The following HTR1F variants were observed in gnomAD, a reference collection of about 807,000 sequenced individuals.
The protein encoded by HTR1F is 5-hydroxytryptamine receptor 1F.
Under a neutral mutation model 24.0 loss-of-function variants are expected in HTR1F, and 17 were observed. That is an observed-to-expected ratio of 0.71 (90% CI 0.48 to 1.06). The LOEUF (loss-of-function observed/expected upper bound fraction) is 1.06, where lower values mean the gene tolerates loss of function less well. Ranked by LOEUF, HTR1F falls within the 50% of genes least tolerant of loss-of-function variation. The pLI, the probability that HTR1F is intolerant of heterozygous loss-of-function variation, is 0.00. For missense variants in HTR1F, 391 were observed against 427.8 expected, an observed-to-expected ratio of 0.91 and a Z score of 0.76; for synonymous variants, 186 against 156.8, an observed-to-expected ratio of 1.19 and a Z score of -1.39.
chr3:87,961,284 C>A (rs1357903706), intron 2 of HTR1F, among the ~76,000 whole-genome samples: 2 of 151,944 alleles, frequency 1.3e-5, no homozygotes, highest in Non-Finnish European at 2.9e-5. Flanking sequence ...TAGTCAAAAG[C>A]AAGAAAATTA....
At chr3:87,934,154 T>C (rs1020276500) in intron 2 of HTR1F, among the ~76,000 whole-genome samples, 1 of 152,202 alleles carries the variant, frequency 6.6e-6, no homozygotes, top group African/African-American at 2.4e-5. Context: ...CCCTGTACAG[T>C]AACTGTTAAT....
At chr3:87,932,539 G>T (rs941252500) in intron 2 of HTR1F, among the ~76,000 whole-genome samples, 1 of 151,940 alleles carries the variant, frequency 6.6e-6, no homozygotes. Flanking sequence ...CTCTTTTTTG[G>T]TTCCATATGA....
intron 1 of HTR1F, among the ~76,000 whole-genome samples, chr3:87,811,443 A>C (rs1288509009): frequency 6.6e-6 from 1 of 152,208 alleles, no homozygotes; most frequent in Non-Finnish European, 1.5e-5. Flanking sequence ...AATAGTGGGA[A>C]GTCTTTGAAA....
chr3:87,852,029 C>T (rs1383851162), intron 2 of HTR1F, among the ~76,000 whole-genome samples: 2 of 148,928 alleles, frequency 1.3e-5, no homozygotes, highest in South Asian at 2.1e-4. Flanking sequence ...TTTTTCCAAA[C>T]ATCCCCACTA....
At chr3:87,837,730 A>G (rs1204478896) in intron 2 of HTR1F, among the ~76,000 whole-genome samples, 1 of 152,054 alleles carries the variant, frequency 6.6e-6, no homozygotes, top group Non-Finnish European at 1.5e-5. Context: ...CTAATTTTTC[A>G]CCTCATATTT....
At chr3:87,929,654 T>C (rs2107401181) in intron 2 of HTR1F, among the ~76,000 whole-genome samples, 1 of 152,254 alleles carries the variant, frequency 6.6e-6, no homozygotes, top group South Asian at 2.1e-4. Context: ...GTTCCATTGG[T>C]CTATGTGTCT....
At chr3:87,934,459 T>C (rs367629797) in intron 2 of HTR1F, among the ~76,000 whole-genome samples, 16 of 152,162 alleles carry the variant, frequency 1.1e-4, no homozygotes, top group African/African-American at 3.9e-4. Flanking sequence ...TGCTTGGGAG[T>C]TTTTATTCCC....
intron 2 of HTR1F, among the ~76,000 whole-genome samples, chr3:87,844,961 T>A (rs1322382079): frequency 6.6e-6 from 1 of 151,962 alleles, no homozygotes; most frequent in East Asian, 1.9e-4. Context: ...TGAAGTCAGG[T>A]AGTGTGATGC....
Position 87,991,681 on chromosome 3 carries a change from TAAAAGAA to T in HTR1F, c.933_939del (p.Lys312Ter). ...GTAATATGTTGGCTTCCTTTTTTTGTAAAAGAATTAGTTGTTAATGTCTGTGACAAAT... is the reference window on the plus strand; with the variant it reads ...GTAATATGTTGGCTTCCTTTTTTTGTTTAGTTGTTAATGTCTGTGACAAAT... On this transcript the variant is annotated frameshift_variant, in exon 3 of 3. Coordinates refer to ENST00000319595, the MANE Select transcript of HTR1F (RefSeq NM_001322209.2). LOFTEE classifies it high-confidence loss of function. 1 of 1,613,294 alleles carries T rather than the reference TAAAAGAA, an allele frequency of 6.2e-7. No homozygotes were observed. The highest frequency in any genetic ancestry group is 1.3e-5 in the African/African-American group (1 of 74,974).
chr3:87,889,403 TAGA>T (rs1468526715), intron 2 of HTR1F, among the ~76,000 whole-genome samples: 4 of 152,184 alleles, frequency 2.6e-5, no homozygotes, highest in South Asian at 4.1e-4. Flanking sequence ...CTAATTATAA[TAGA>T]AGATTATTTC....
chr3:87,916,462 A>C (rs1703897535), intron 2 of HTR1F, among the ~76,000 whole-genome samples: 1 of 152,082 alleles, frequency 6.6e-6, no homozygotes, highest in Non-Finnish European at 1.5e-5. Flanking sequence ...CTCATCAACC[A>C]ACTGTCTGCT....
intron 2 of HTR1F, among the ~76,000 whole-genome samples, chr3:87,935,442 C>T (rs1194846620): frequency 6.6e-6 from 1 of 151,706 alleles, no homozygotes; most frequent in Non-Finnish European, 1.5e-5. Context: ...ATAATTCCAC[C>T]AGGGTGAGGC....
intron 2 of HTR1F, among the ~76,000 whole-genome samples, chr3:87,823,175 T>C (rs1704392772): frequency 6.6e-6 from 1 of 152,218 alleles, no homozygotes; most frequent in Non-Finnish European, 1.5e-5. Context: ...TAAATGATTT[T>C]TTAATTAAAT....
intron 1 of HTR1F, among the ~76,000 whole-genome samples, chr3:87,805,721 T>A (rs1189331083): frequency 2.0e-5 from 3 of 152,068 alleles, no homozygotes; most frequent in African/African-American, 7.2e-5. Flanking sequence ...GGTGATGGGT[T>A]GATAAATGCA....
intron 2 of HTR1F, among the ~76,000 whole-genome samples, chr3:87,915,005 G>A (rs1420671028): frequency 6.6e-6 from 1 of 152,102 alleles, no homozygotes; most frequent in Non-Finnish European, 1.5e-5. Flanking sequence ...CCCAAGGATG[G>A]TTCACATCAC....
At chr3:87,933,690 C>T (rs992015693) in intron 2 of HTR1F, among the ~76,000 whole-genome samples, 1 of 151,986 alleles carries the variant, frequency 6.6e-6, no homozygotes, top group Non-Finnish European at 1.5e-5. Context: ...AACCACTGCT[C>T]AATGAAATAA....
At chr3:87,926,711 C>T (rs572718996) in intron 2 of HTR1F, among the ~76,000 whole-genome samples, 5 of 152,062 alleles carry the variant, frequency 3.3e-5, no homozygotes, top group African/African-American at 1.2e-4. Context: ...AATCATTGAC[C>T]TCTACTGGTA....
chr3:87,989,236 A>C (rs1358268990), intron 2 of HTR1F, among the ~76,000 whole-genome samples: 4 of 152,220 alleles, frequency 2.6e-5, no homozygotes, highest in South Asian at 2.1e-4. Flanking sequence ...CAAAACTTAT[A>C]AGCCATGAAT....
At chr3:87,802,267 T>C in intron 1 of HTR1F, among the ~76,000 whole-genome samples, 1 of 94,852 alleles carries the variant, frequency 1.1e-5, no homozygotes. Flanking sequence ...TTTTTCTTTC[T>C]TTCCTTCCCT....
Sources: allele counts gnomAD v4.1 joint callset (sites outside exome capture counted in the v4.1 genomes callset), GRCh38; gene constraint gnomAD v4.1.1; transcripts MANE v1.5; gene names NCBI Gene and HGNC (gene_info 2026-07-23, HGNC 2026-07-21).